AGGF1: variants seen among roughly 807,000 people sequenced by gnomAD.
AGGF1 encodes angiogenic factor with G patch and FHA domains 1.
Under a neutral mutation model 86.5 loss-of-function variants are expected in AGGF1, and 56 were observed. The ratio of observed to expected loss-of-function variants is 0.65; its 90% CI spans 0.52 to 0.81. The LOEUF is 0.81. AGGF1 is among the 30% of genes least tolerant of loss of function. The probability of loss-of-function intolerance (pLI) is 0.00; values close to 1 mark genes in which losing one functional copy is unlikely to be tolerated. For missense variants in AGGF1, 816 were observed against 850.9 expected, an observed-to-expected ratio of 0.96 and a Z score of 0.51; for synonymous variants, 313 against 297.1, an observed-to-expected ratio of 1.05 and a Z score of -0.55.
intron 5 of AGGF1, among the ~76,000 whole-genome samples, chr5:77,041,466 C>G (rs956788081): frequency 1.3e-5 from 2 of 150,704 alleles, no homozygotes; most frequent in African/African-American, 2.4e-5. Flanking sequence ...GCTTGGGAGG[C>G]TGAGGCAGGA....
At chr5:77,059,821 A>G (rs901260956) in intron 12 of AGGF1, 78 bp downstream of exon 12, 2 of 1,533,922 alleles carry the variant, frequency 1.3e-6, no homozygotes, top group Admixed American at 1.7e-5. Context: ...GTTCAGGGCT[A>G]TATATCCTGA....
chr5:77,033,991 A>G (rs1746917922), intron 1 of AGGF1, among the ~76,000 whole-genome samples: 1 of 152,196 alleles, frequency 6.6e-6, no homozygotes, highest in Admixed American at 6.5e-5. Flanking sequence ...AAATGTATTA[A>G]AGCTTGTAAG....
chr5:77,064,907 TCTATTA>T lies in AGGF1; in HGVS notation c.*1656_*1661del, dbSNP rs1742768765. On this transcript the variant is annotated 3_prime_UTR_variant, in exon 14 of 14. Coordinates refer to ENST00000312916, the MANE Select transcript of AGGF1 (RefSeq NM_018046.5). ...TTGGGGAAAACATTTTTTATCATTTTCTATTAAGAAAATGGAAAACTTAAATATGGT... is the reference window on the plus strand; with the variant it reads ...TTGGGGAAAACATTTTTTATCATTTTAGAAAATGGAAAACTTAAATATGGT... The T allele has an allele frequency of 6.6e-6, 1 of 152,184 alleles. No homozygotes were observed. The highest frequency in any genetic ancestry group is 2.1e-4 in the South Asian group (1 of 4,830). The allele number at this position is 152,184 out of a possible 1,614,324, so 9.4% of individuals were successfully genotyped here.
intron 4 of AGGF1, 109 bp downstream of exon 4, chr5:77,036,829 C>G (rs907589807): frequency 1.4e-5 from 17 of 1,235,482 alleles, no homozygotes; most frequent in Middle Eastern, 2.7e-4. Flanking sequence ...CTTTCACCCC[C>G]CAGGTTCAAG....
intron 12 of AGGF1, among the ~76,000 whole-genome samples, chr5:77,060,025 A>G (rs1747527470): frequency 6.6e-6 from 1 of 152,144 alleles, no homozygotes; most frequent in African/African-American, 2.4e-5. Flanking sequence ...TGTTTTTAGT[A>G]GAGACGGGGT....
At chr5:77,036,438 T>C in intron 3 of AGGF1, 118 bp from the exon 4 acceptor site, 1 of 1,037,188 alleles carries the variant, frequency 9.6e-7, no homozygotes, top group Non-Finnish European at 1.5e-6. Context: ...AGTCATGCTT[T>C]TCCTTTGTAG....
intron 1 of AGGF1, 150 bp downstream of exon 1, chr5:77,031,126 C>T (rs1034260839): frequency 4.6e-6 from 4 of 860,252 alleles, no homozygotes; most frequent in Non-Finnish European, 7.3e-6. Flanking sequence ...AGTTACAATT[C>T]CAAGTACCTT....
rs199779834 is a variant in AGGF1 at position 77,036,614 on chromosome 5, A to C, written c.575A>C (p.Glu192Ala). The part of the protein sequence containing the change: ...DTSLEGSSLA[E>A]SLRAAAEAAV... ...TCCTTAGAAGGCTCATCATTAGCTG[A>C]AAGTTTGAGAGCTGCAGCAGAAGCG... Residue 192 changes from glutamate to alanine, a missense_variant, in exon 4 of 14, where the codon GAA becomes GCA. Around this residue, in one of 3 missense-constraint regions of AGGF1, gnomAD observed 240 missense variants for 234.4 expected, o/e 1.02. Coordinates refer to ENST00000312916, the MANE Select transcript of AGGF1 (RefSeq NM_018046.5). 101 of 1,614,128 alleles carry C rather than the reference A, an allele frequency of 6.3e-5. No homozygotes were observed. Among genetic ancestry groups the C allele is most frequent in the Non-Finnish European group, 7.7e-5 (91 of 1,180,026 alleles).
chr5:77,037,969 C>T (rs948847422), intron 4 of AGGF1, among the ~76,000 whole-genome samples: 2 of 152,156 alleles, frequency 1.3e-5, no homozygotes, highest in African/African-American at 4.8e-5. Context: ...AGAACTCAGT[C>T]ACATACCTCA....
chr5:77,061,430 C>G (rs1420340878), intron 12 of AGGF1, among the ~76,000 whole-genome samples: 3 of 152,120 alleles, frequency 2.0e-5, no homozygotes, highest in African/African-American at 7.2e-5. Context: ...ACAATTTATC[C>G]ATTTTAATCA....
intron 3 of AGGF1, 143 bp from the exon 4 acceptor site, chr5:77,036,413 C>A (rs879373562): frequency 1.2e-6 from 1 of 858,016 alleles, no homozygotes; most frequent in Non-Finnish European, 1.9e-6. Context: ...ATAAGTGGTT[C>A]AAGTCATAAT....
chr5:77,035,215 TAA>T (rs909353786), intron 2 of AGGF1, among the ~76,000 whole-genome samples: 1 of 152,230 alleles, frequency 6.6e-6, no homozygotes, highest in Non-Finnish European at 1.5e-5. Context: ...AGTTAGAAGT[TAA>T]GAGTTAAGTT....
intron 2 of AGGF1, among the ~76,000 whole-genome samples, 167 bp downstream of exon 2, chr5:77,034,687 T>C (rs900628527): frequency 6.6e-6 from 1 of 152,232 alleles, no homozygotes; most frequent in Non-Finnish European, 1.5e-5. Context: ...CAATTTGTTC[T>C]TCTGGAGGAA....
At chr5:77,048,895 T>C (rs778900256) in intron 7 of AGGF1, 41 bp from the exon 8 acceptor site, 52 of 1,577,046 alleles carry the variant, frequency 3.3e-5, no homozygotes, top group Non-Finnish European at 4.4e-5. Flanking sequence ...TTATATAATA[T>C]GCTTCAAAAA....
intron 5 of AGGF1, among the ~76,000 whole-genome samples, chr5:77,043,172 C>T (rs1580127984): frequency 7.4e-4 from 40 of 53,826 alleles, no homozygotes; most frequent in Non-Finnish European, 8.9e-4. Context: ...GGCGGCTGGC[C>T]GGGCGGGGGG....
intron 5 of AGGF1, among the ~76,000 whole-genome samples, chr5:77,045,376 T>G (rs1480957269): frequency 6.6e-6 from 1 of 152,232 alleles, no homozygotes; most frequent in African/African-American, 2.4e-5. Flanking sequence ...GTTAATTAGC[T>G]CAATTTAACC....
chr5:77,042,491 C>A lies in AGGF1; in HGVS notation c.870+2772C>A, dbSNP rs1316781687. Among the ~76,000 whole-genome samples the A allele has an allele frequency of 8.3e-3, 341 of 41,278 alleles. 1 individual carries two copies. Among genetic ancestry groups the A allele is most frequent in the African/African-American group, 0.023 (323 of 14,176 alleles). The allele number at this position is 41,278 out of a possible 152,430, so 27.1% of individuals were successfully genotyped here. A position where few individuals can be genotyped will look rare whatever the true frequency, so the allele number is the denominator to read the frequency against. Reference sequence around the variant, plus strand: ...ACGGGGCGGCTGGCCGGGCGGGGGGCTGACCCCCCCCACCTCCCTCCCGGA... The same window carrying A: ...ACGGGGCGGCTGGCCGGGCGGGGGGATGACCCCCCCCACCTCCCTCCCGGA... On this transcript the variant is annotated intron_variant, in intron 5 of 13. Transcript: ENST00000312916.
intron 13 of AGGF1, among the ~76,000 whole-genome samples, chr5:77,062,721 T>A (rs1329044371): frequency 6.6e-6 from 1 of 152,142 alleles, no homozygotes; most frequent in Non-Finnish European, 1.5e-5. Context: ...GACAGTGGGT[T>A]TAAACATATC....
intron 1 of AGGF1, among the ~76,000 whole-genome samples, chr5:77,031,878 AG>A (rs1266405287): frequency 6.6e-6 from 1 of 152,010 alleles, no homozygotes; most frequent in African/African-American, 2.4e-5. Flanking sequence ...CACTCCAGCC[AG>A]GGCGACAGAG....
Sources: gnomAD v4.1 joint callset for allele counts (sites outside exome capture counted in the v4.1 genomes callset) on GRCh38, gnomAD v4.1.1 for gene constraint, gnomAD v4.1.1 regional missense constraint, MANE v1.5 for transcripts, NCBI Gene and HGNC (gene_info 2026-07-23, HGNC 2026-07-21) for gene names.